Variants in RANBP10 observed in about 807,000 individuals in gnomAD.
RANBP10 encodes RAN binding protein 10, also known as ran-binding protein 10.
A neutral mutation model predicts 72.8 loss-of-function variants in RANBP10; 24 were observed. The observed-to-expected ratio is 0.33, with a 90% CI of 0.24 to 0.46. The LOEUF (loss-of-function observed/expected upper bound fraction) is 0.46. RANBP10 is among the 20% of genes least tolerant of loss of function. RANBP10 has a pLI of 1.00. For synonymous variants in RANBP10, 310 were observed against 322.3 expected, an observed-to-expected ratio of 0.96 and a Z score of 0.41; for missense variants, 679 against 817.5, an observed-to-expected ratio of 0.83 and a Z score of 2.07.
intron 3 of RANBP10, among the ~76,000 whole-genome samples, chr16:67,745,506 T>C (rs1390269097): frequency 1.3e-5 from 2 of 151,962 alleles, no homozygotes; most frequent in Non-Finnish European, 1.5e-5. Context: ...AGCTAATTTT[T>C]GTATTTTTAG....
intron 2 of RANBP10, among the ~76,000 whole-genome samples, chr16:67,802,489 T>G (rs1273586006): frequency 6.6e-6 from 1 of 152,038 alleles, no homozygotes; most frequent in Non-Finnish European, 1.5e-5. Flanking sequence ...AATACAAAAA[T>G]TAGCCAGGCG....
rs1284366613 is a variant in RANBP10, at chr16:67,729,629, CCT to C, written c.1147+49_1147+50del. On this transcript the variant is annotated intron_variant, in intron 9 of 13. Transcript: ENST00000317506. The surrounding 1 kb of genome is among the most constrained non-coding windows in gnomAD (Gnocchi z 7.1). ...GCCCAGGAAAGGGTATGTGGAGTGG[CCT>C]CTCTCCTCCACACCAGTTCTTCCCA... 1.3e-6 allele frequency: 2 copies of C among 1,570,922 alleles called. No individual in the cohort carries two copies. Among genetic ancestry groups the C allele is most frequent in the Middle Eastern group, 3.4e-4 (2 of 5,828 alleles).
At chr16:67,767,692 G>C (rs1008060248) in intron 3 of RANBP10, among the ~76,000 whole-genome samples, 16 of 151,984 alleles carry the variant, frequency 1.1e-4, no homozygotes, top group Non-Finnish European at 2.1e-4. Flanking sequence ...TGTCTCCCAG[G>C]TTCACGCCAT....
At chr16:67,755,657 C>A (rs374161725) in intron 3 of RANBP10, among the ~76,000 whole-genome samples, 30 of 148,576 alleles carry the variant, frequency 2.0e-4, no homozygotes, top group African/African-American at 6.3e-4. Context: ...GCACTCCAGC[C>A]CAGGCGACAG....
rs547313470 is a variant in RANBP10 at position 67,806,159 on chromosome 16, A to C, written c.235+143T>G. 55 of 796,980 alleles carry C rather than the reference A, an allele frequency of 6.9e-5. No individual in the cohort carries two copies. In the African/African-American group the frequency reaches 9.2e-4, roughly 13 times the overall value. The allele number at this position is 796,980 out of a possible 1,614,324, so 49.4% of individuals were successfully genotyped here. A position where few individuals can be genotyped will look rare whatever the true frequency, so the allele number is the denominator to read the frequency against. On this transcript the variant is annotated intron_variant, in intron 1 of 13. Transcript: ENST00000317506. ...GTCAGCCCTCGGCCTGTTCAGCCTC[A>C]CCACCCTGGACATCCTGAAAGGGCC... is the stretch of plus-strand genomic sequence containing the variant.
At chr16:67,788,632 T>C (rs1277432474) in intron 2 of RANBP10, among the ~76,000 whole-genome samples, 1 of 151,530 alleles carries the variant, frequency 6.6e-6, no homozygotes. Flanking sequence ...CCTCGTGATC[T>C]GCCTGCCTTG....
chr16:67,785,974 G>A (rs577476881), intron 2 of RANBP10, among the ~76,000 whole-genome samples: 124 of 150,620 alleles, frequency 8.2e-4, no homozygotes, highest in African/African-American at 2.6e-3. Context: ...TGCAGTGAGC[G>A]GAGATCAGAG....
At chr16:67,750,290 A>T (rs1018834568) in intron 3 of RANBP10, among the ~76,000 whole-genome samples, 1 of 152,250 alleles carries the variant, frequency 6.6e-6, no homozygotes, top group Admixed American at 6.5e-5. Flanking sequence ...AGGTCCTCTT[A>T]GAACTATGCC....
intron 3 of RANBP10, among the ~76,000 whole-genome samples, chr16:67,751,072 T>A (rs1394152010): frequency 2.0e-5 from 3 of 152,210 alleles, no homozygotes; most frequent in Non-Finnish European, 4.4e-5. Flanking sequence ...AGCCCCTTTT[T>A]TCACTTTCTC....
At chr16:67,767,043 C>T (rs1391383081) in intron 3 of RANBP10, among the ~76,000 whole-genome samples, 1 of 152,158 alleles carries the variant, frequency 6.6e-6, no homozygotes, top group Non-Finnish European at 1.5e-5. Flanking sequence ...CTTTCCCTTG[C>T]CAAAGAGAAG....
At chr16:67,804,680 G>A (rs1211148110) in intron 2 of RANBP10, among the ~76,000 whole-genome samples, 2 of 152,046 alleles carry the variant, frequency 1.3e-5, no homozygotes, top group East Asian at 3.9e-4. Flanking sequence ...TAGGATTACA[G>A]GTATGCCAGT....
intron 3 of RANBP10, among the ~76,000 whole-genome samples, chr16:67,745,610 C>T (rs1474308934): frequency 2.6e-5 from 4 of 152,114 alleles, no homozygotes; most frequent in African/African-American, 7.2e-5. Context: ...GTTAAGATTA[C>T]AGGCGTGAGC....
chr16:67,801,716 A>G (rs2055237045), intron 2 of RANBP10, among the ~76,000 whole-genome samples: 3 of 152,038 alleles, frequency 2.0e-5, no homozygotes, highest in Admixed American at 6.6e-5. Context: ...ACTTTGGATC[A>G]CTTTGAGGCA....
intron 3 of RANBP10, among the ~76,000 whole-genome samples, chr16:67,771,347 A>T (rs1429175174): frequency 2.0e-5 from 3 of 151,764 alleles, no homozygotes; most frequent in Non-Finnish European, 2.9e-5. Flanking sequence ...TTTTTTATTT[A>T]TTTTATTTTT....
At chr16:67,763,894 A>G (rs2054447622) in intron 3 of RANBP10, among the ~76,000 whole-genome samples, 1 of 152,146 alleles carries the variant, frequency 6.6e-6, no homozygotes, top group Non-Finnish European at 1.5e-5. Flanking sequence ...ACAGGGTTTC[A>G]CCATGTTGGC....
intron 13 of RANBP10, among the ~76,000 whole-genome samples, chr16:67,726,762 C>T (rs1015139384): frequency 1.3e-5 from 2 of 152,346 alleles, no homozygotes; most frequent in Admixed American, 6.5e-5. Flanking sequence ...CCATGTAGAG[C>T]GCTGGGCTGG....
intron 3 of RANBP10, among the ~76,000 whole-genome samples, chr16:67,763,661 C>T (rs906962469): frequency 2.3e-5 from 3 of 130,678 alleles, no homozygotes; most frequent in African/African-American, 4.1e-5. Flanking sequence ...CCTGTCCCTA[C>T]CACCCCCATA....
At position 67,730,731 on chromosome 16, in the gene RANBP10, C is replaced by A. The variant is rs1261913413; in HGVS notation, c.890-685G>T. Reference sequence around the variant, plus strand: ...CCCTTTCCGTCTGTCTGGCTGAGCACAGCTTCTCTGGGAGACAGACACGTG... The same window carrying A: ...CCCTTTCCGTCTGTCTGGCTGAGCAAAGCTTCTCTGGGAGACAGACACGTG... On this transcript the variant is annotated intron_variant, in intron 7 of 13. Transcript: ENST00000317506. The surrounding 1 kb of genome is among the most constrained non-coding windows in gnomAD (Gnocchi z 4.3). Among the ~76,000 whole-genome samples, 1 of 152,186 alleles carries A rather than the reference C, an allele frequency of 6.6e-6. No homozygotes were observed. Among genetic ancestry groups the A allele is most frequent in the Admixed American group, 6.5e-5 (1 of 15,288 alleles).
intron 4 of RANBP10, among the ~76,000 whole-genome samples, chr16:67,742,780 G>A (rs2053993916): frequency 6.6e-6 from 1 of 152,204 alleles, no homozygotes; most frequent in Admixed American, 6.5e-5. Context: ...GATACAGGGT[G>A]AGAGCCCACA....
Sources: gnomAD v4.1 joint callset for allele counts (sites outside exome capture counted in the v4.1 genomes callset) on GRCh38, gnomAD v4.1.1 for gene constraint, Gnocchi (gnomAD v3.1) non-coding constraint, MANE v1.5 for transcripts, NCBI Gene and HGNC (gene_info 2026-07-23, HGNC 2026-07-21) for gene names.